SGCZ: variants seen among roughly 807,000 people sequenced by gnomAD.
The protein encoded by SGCZ is sarcoglycan zeta.
In SGCZ, 40 loss-of-function variants were observed where a neutral mutation model predicts 41.3. The observed-to-expected ratio is 0.97, with a 90% CI of 0.75 to 1.26. The LOEUF (loss-of-function observed/expected upper bound fraction) is 1.26, where lower values mean the gene tolerates loss of function less well. Ranked by LOEUF, SGCZ falls within the 50% of genes most tolerant of loss-of-function variation. The pLI is 0.00. For synonymous variants in SGCZ, 206 were observed against 137.5 expected (o/e 1.50, Z -3.49); for missense variants, 552 against 369.8 (o/e 1.49, Z -4.04).
chr8:15,051,173 T>A (rs1804499707), intron 1 of SGCZ, among the ~76,000 whole-genome samples: 1 of 151,750 alleles, frequency 6.6e-6, no homozygotes, highest in African/African-American at 2.4e-5. Flanking sequence ...TGCATCCAAA[T>A]GAAAAGGGAA....
At chr8:15,049,257 A>T (rs935884168) in intron 1 of SGCZ, among the ~76,000 whole-genome samples, 12 of 152,130 alleles carry the variant, frequency 7.9e-5, no homozygotes, top group South Asian at 2.1e-4. Flanking sequence ...CGGCATAGGG[A>T]TGAGCATTTA....
intron 1 of SGCZ, among the ~76,000 whole-genome samples, chr8:14,904,350 A>T (rs1160589085): frequency 1.3e-5 from 2 of 152,076 alleles, no homozygotes; most frequent in Non-Finnish European, 1.5e-5. Flanking sequence ...TGTAATTCCT[A>T]AACATCTCAA....
At chr8:14,625,513 C>A (rs959719360) in intron 1 of SGCZ, among the ~76,000 whole-genome samples, 10 of 152,182 alleles carry the variant, frequency 6.6e-5, no homozygotes, top group African/African-American at 1.9e-4. Context: ...AGGGAAAATA[C>A]AGCTGAGATT....
intron 1 of SGCZ, among the ~76,000 whole-genome samples, chr8:14,960,091 C>A (rs1400352765): frequency 1.3e-5 from 2 of 152,160 alleles, no homozygotes; most frequent in African/African-American, 4.8e-5. Context: ...GACTGACATG[C>A]ATTTGGAAAA....
chr8:14,559,379 C>T (rs2117202721), intron 1 of SGCZ, among the ~76,000 whole-genome samples: 1 of 152,004 alleles, frequency 6.6e-6, no homozygotes, highest in East Asian at 1.9e-4. Context: ...CCCCTTTTAC[C>T]ATAGAGCAAA....
chr8:14,151,526 C>T (rs1803709471), intron 5 of SGCZ, among the ~76,000 whole-genome samples: 1 of 151,896 alleles, frequency 6.6e-6, no homozygotes, highest in Non-Finnish European at 1.5e-5. Flanking sequence ...AAAATTTTTA[C>T]ACATGTTTAA....
At chr8:15,010,133 G>C (rs1305398385) in intron 1 of SGCZ, among the ~76,000 whole-genome samples, 1 of 152,054 alleles carries the variant, frequency 6.6e-6, no homozygotes, top group East Asian at 1.9e-4. Flanking sequence ...GTTCATAATG[G>C]TGAGAAAAAA....
At chr8:14,365,715 T>C (rs1346617545) in intron 2 of SGCZ, among the ~76,000 whole-genome samples, 1 of 152,150 alleles carries the variant, frequency 6.6e-6, no homozygotes, top group Non-Finnish European at 1.5e-5. Flanking sequence ...TAGGTTTTTA[T>C]CTTAAGGCTT....
intron 1 of SGCZ, among the ~76,000 whole-genome samples, chr8:14,635,806 C>A (rs144698708): frequency 6.6e-6 from 1 of 151,812 alleles, no homozygotes; most frequent in African/African-American, 2.4e-5. Context: ...GTGCAGACTG[C>A]TATACTGTAA....
chr8:14,994,533 G>C lies in SGCZ; in HGVS notation c.39+243052C>G, dbSNP rs985663608. On this transcript the variant is annotated intron_variant, in intron 1 of 7. Transcript: ENST00000382080. The stretch of plus-strand genomic sequence containing the variant: ...CAGGAGGCGGCGGTTGCAGTGAGTC[G>C]AGATTGTGCCACTGCACTCCAGCCT... 2.0e-5 allele frequency among the ~76,000 whole-genome samples: 3 copies of C among 151,606 alleles called. No individual in the cohort carries two copies. In the East Asian group the frequency reaches 5.8e-4, roughly 30 times the overall value.
chr8:15,040,546 G>A (rs533452821), intron 1 of SGCZ, among the ~76,000 whole-genome samples: 8 of 152,266 alleles, frequency 5.3e-5, no homozygotes, highest in African/African-American at 1.7e-4. Context: ...GTAACCGGGA[G>A]GCGGAGGTTG....
intron 1 of SGCZ, among the ~76,000 whole-genome samples, chr8:14,947,332 C>G (rs1800485607): frequency 6.6e-6 from 1 of 152,184 alleles, no homozygotes. Flanking sequence ...CAGTGGCTGA[C>G]ATCAAACAGT....
At chr8:14,779,481 C>A (rs1242023952) in intron 1 of SGCZ, among the ~76,000 whole-genome samples, 1 of 152,100 alleles carries the variant, frequency 6.6e-6, no homozygotes, top group East Asian at 1.9e-4. Flanking sequence ...CATGAGAGAC[C>A]CTGAGCCTAA....
intron 1 of SGCZ, among the ~76,000 whole-genome samples, chr8:14,891,424 C>G (rs1211159342): frequency 6.6e-6 from 1 of 152,082 alleles, no homozygotes; most frequent in Non-Finnish European, 1.5e-5. Context: ...GTAGAAAATG[C>G]AAAATAACTA....
chr8:14,269,156 C>T (rs544628487), intron 3 of SGCZ, among the ~76,000 whole-genome samples: 3 of 152,082 alleles, frequency 2.0e-5, no homozygotes, highest in Admixed American at 6.5e-5. Context: ...AATTAGTCTG[C>T]ATTAGAGAGC....
chr8:15,041,548 C>T (rs979034396), intron 1 of SGCZ, among the ~76,000 whole-genome samples: 5 of 151,900 alleles, frequency 3.3e-5, no homozygotes, highest in East Asian at 3.9e-4. Flanking sequence ...ACCTAGAAAG[C>T]GGGTTAATCA....
At chr8:14,973,910 C>CA (rs1240983581) in intron 1 of SGCZ, among the ~76,000 whole-genome samples, 2 of 152,020 alleles carry the variant, frequency 1.3e-5, no homozygotes, top group Non-Finnish European at 2.9e-5. Context: ...ATGTACATGA[C>CA]ATAAGAGACT....
At chr8:14,154,666 A>G (rs948608723) in intron 5 of SGCZ, among the ~76,000 whole-genome samples, 1 of 152,228 alleles carries the variant, frequency 6.6e-6, no homozygotes, top group Non-Finnish European at 1.5e-5. Flanking sequence ...GCTTTAAAAC[A>G]TGTCTACAAG....
At chr8:14,492,550 A>C (rs1395451763) in intron 2 of SGCZ, among the ~76,000 whole-genome samples, 1 of 152,186 alleles carries the variant, frequency 6.6e-6, no homozygotes, top group Non-Finnish European at 1.5e-5. Flanking sequence ...AAATAGCACA[A>C]GATTTACGAA....
Sources: allele counts gnomAD v4.1 joint callset (sites outside exome capture counted in the v4.1 genomes callset), GRCh38; gene constraint gnomAD v4.1.1; transcripts MANE v1.5; gene names NCBI Gene and HGNC (gene_info 2026-07-23, HGNC 2026-07-21).